The following KIF13A variants were observed in gnomAD, a reference collection of about 807,000 sequenced individuals.
KIF13A encodes the protein kinesin family member 13A.
In KIF13A, 79 loss-of-function variants were observed where a neutral mutation model predicts 212.2. The observed-to-expected ratio is 0.37, with a 90% CI of 0.31 to 0.45. KIF13A has a LOEUF of 0.45. Ranked by LOEUF, KIF13A falls within the 20% of genes least tolerant of loss-of-function variation. The probability of loss-of-function intolerance (pLI) is 1.00; values close to 1 mark genes in which losing one functional copy is unlikely to be tolerated. For missense variants in KIF13A, 1,901 were observed against 2,209.0 expected (o/e 0.86, Z 2.79); for synonymous variants, 789 against 808.6 (o/e 0.98, Z 0.41).
rs1307879428 is a variant in KIF13A at position 17,799,550 on chromosome 6, C to T, written c.2617-111G>A. ...TGAAACAAATTGGTCATCCATTTGA[C>T]ATGTGAAAATATTATATCTGACACC... is the stretch of plus-strand genomic sequence containing the variant. On this transcript the variant is annotated intron_variant, in intron 21 of 38. Coordinates refer to ENST00000259711, the MANE Select transcript of KIF13A (RefSeq NM_022113.6). This position sits in a 1 kb window ranked among gnomAD's most constrained non-coding sequence, Gnocchi z 4.4. 4 of 862,730 alleles carry T rather than the reference C, an allele frequency of 4.6e-6. No individual in the cohort carries two copies. The highest frequency in any genetic ancestry group is 1.7e-5 in the African/African-American group (1 of 58,672). The allele number at this position is 862,730 out of a possible 1,614,324, so 53.4% of individuals were successfully genotyped here. A position where few individuals can be genotyped will look rare whatever the true frequency, so the allele number is the denominator to read the frequency against.
chr6:17,880,812 G>A (rs149656574), intron 3 of KIF13A, among the ~76,000 whole-genome samples: 35 of 151,960 alleles, frequency 2.3e-4, no homozygotes, highest in African/African-American at 6.5e-4. Context: ...CAAAGATGGG[G>A]TCTTGCAACA....
intron 16 of KIF13A, among the ~76,000 whole-genome samples, chr6:17,822,745 T>A (rs1047215136): frequency 2.0e-5 from 3 of 152,224 alleles, no homozygotes; most frequent in Middle Eastern, 3.2e-3. Context: ...CCACTCAGGC[T>A]TCCAAAAGAT....
At chr6:17,804,631 TA>T in intron 19 of KIF13A, 121 bp from the exon 20 acceptor site, 1 of 993,052 alleles carries the variant, frequency 1.0e-6, no homozygotes. Context: ...AAACAGCAAG[TA>T]AAATTATAAT....
At chr6:17,960,077 T>C (rs1430734618) in intron 2 of KIF13A, among the ~76,000 whole-genome samples, 3 of 151,410 alleles carry the variant, frequency 2.0e-5, no homozygotes, top group South Asian at 2.1e-4. Flanking sequence ...CCAATTAACA[T>C]GTCCTCCCCA....
Position 17,892,470 on chromosome 6 carries a change from G to A in KIF13A, c.159+5698C>T, listed in dbSNP as rs1772154734. Reference sequence around the variant, plus strand: ...AGGTCCAACCCTGACATCAAGGCCTGCCACAGCTGGGTGATACATCACTGT... The same window carrying A: ...AGGTCCAACCCTGACATCAAGGCCTACCACAGCTGGGTGATACATCACTGT... On this transcript the variant is annotated intron_variant, in intron 3 of 38. Transcript: ENST00000259711. This position sits in a 1 kb window ranked among gnomAD's most constrained non-coding sequence, Gnocchi z 4.7. 6.6e-6 allele frequency among the ~76,000 whole-genome samples: 1 copy of A among 152,198 alleles called. No individual in the cohort carries two copies. Among genetic ancestry groups the A allele is most frequent in the African/African-American group, 2.4e-5 (1 of 41,440 alleles).
chr6:17,812,166 TTTG>T (rs1258913694), intron 17 of KIF13A: 1 of 152,140 alleles, frequency 6.6e-6, no homozygotes, highest in African/African-American at 2.4e-5. Flanking sequence ...ATCAGATACT[TTTG>T]TTTTTTAAAA....
At chr6:17,784,204 G>C (rs552055049) in intron 28 of KIF13A, among the ~76,000 whole-genome samples, 1 of 152,294 alleles carries the variant, frequency 6.6e-6, no homozygotes, top group African/African-American at 2.4e-5. Flanking sequence ...AAGATGGTTT[G>C]AGGACTGGAG....
chr6:17,903,861 C>T lies in KIF13A; in HGVS notation c.147-5681G>A, dbSNP rs556572529. Among the ~76,000 whole-genome samples, 9 of 152,192 alleles carry T rather than the reference C, an allele frequency of 5.9e-5. No homozygotes were observed. In the South Asian group the frequency reaches 1.0e-3, roughly 18 times the overall value. On this transcript the variant is annotated intron_variant, in intron 2 of 38. Transcript: ENST00000259711. ...GAACACTAGAAAACAGTACAGTTGC[C>T]AGGCGGCGTGGCTCATGCCTGTAAC...
At chr6:17,970,656 G>A (rs981636723) in intron 2 of KIF13A, among the ~76,000 whole-genome samples, 1 of 152,038 alleles carries the variant, frequency 6.6e-6, no homozygotes, top group Non-Finnish European at 1.5e-5. Flanking sequence ...CTGCGTCCTG[G>A]ATAGGCCTGG....
intron 25 of KIF13A, among the ~76,000 whole-genome samples, chr6:17,792,366 T>C (rs555370385): frequency 2.9e-4 from 44 of 152,268 alleles, no homozygotes; most frequent in African/African-American, 1.0e-3. Context: ...CAAAATTTTA[T>C]TGTGGACAGG....
chr6:17,984,165 T>G lies in KIF13A; in HGVS notation c.146+2889A>C, dbSNP rs1379157518. 6.6e-6 allele frequency among the ~76,000 whole-genome samples: 1 copy of G among 152,244 alleles called. No homozygotes were observed. Among genetic ancestry groups the G allele is most frequent in the Non-Finnish European group, 1.5e-5 (1 of 68,040 alleles). On this transcript the variant is annotated intron_variant, in intron 2 of 38. Coordinates refer to ENST00000259711, the MANE Select transcript of KIF13A (RefSeq NM_022113.6). The surrounding 1 kb of genome is among the most constrained non-coding windows in gnomAD (Gnocchi z 5.0). ...ACAGAGAATTTTGAAATTATGTGGT[T>G]CATGAAATGGCAAAAGTATACACCA...
intron 4 of KIF13A, among the ~76,000 whole-genome samples, chr6:17,868,462 C>T (rs687894): frequency 0.74 from 112,474 of 151,984 alleles, 41,957 homozygotes; most frequent in African/African-American, 0.82. Flanking sequence ...GATCTGTGTA[C>T]ATCTGCATGT....
chr6:17,883,366 T>TA lies in KIF13A; in HGVS notation c.160-9930dup, dbSNP rs897879538. On this transcript the variant is annotated intron_variant, in intron 3 of 38. Transcript: ENST00000259711. This position sits in a 1 kb window ranked among gnomAD's most constrained non-coding sequence, Gnocchi z 4.8. The stretch of plus-strand genomic sequence containing the variant: ...TCTCTAAAAAATAAAATAAAAATAA[T>TA]AAAAAAAAATAAGGCAACTTCCTGG... Among the ~76,000 whole-genome samples, 15 of 151,094 alleles carry TA rather than the reference T, an allele frequency of 9.9e-5. No homozygotes were observed. Among genetic ancestry groups the TA allele is most frequent in the African/African-American group, 2.7e-4 (11 of 41,204 alleles).
intron 6 of KIF13A, among the ~76,000 whole-genome samples, chr6:17,853,824 T>A (rs981371124): frequency 6.6e-6 from 1 of 152,164 alleles, no homozygotes; most frequent in Non-Finnish European, 1.5e-5. Flanking sequence ...CAATAGTAGT[T>A]ACCTTGGGGA....
chr6:17,966,079 A>T (rs140520160), intron 2 of KIF13A, among the ~76,000 whole-genome samples: 13 of 152,168 alleles, frequency 8.5e-5, no homozygotes, highest in Non-Finnish European at 1.6e-4. Flanking sequence ...CTATAATTCC[A>T]GCTAGTGAGG....
chr6:17,911,918 C>A (rs1440650745), intron 2 of KIF13A, among the ~76,000 whole-genome samples: 1 of 152,056 alleles, frequency 6.6e-6, no homozygotes, highest in Non-Finnish European at 1.5e-5. Flanking sequence ...GAATGCACCA[C>A]CATGCCCAGC....
intron 2 of KIF13A, among the ~76,000 whole-genome samples, chr6:17,974,320 T>C (rs1344191670): frequency 6.6e-6 from 1 of 152,150 alleles, no homozygotes; most frequent in African/African-American, 2.4e-5. Flanking sequence ...CCTCATGATC[T>C]GCCCACCTCG....
rs1290992723 is a variant in KIF13A at position 17,872,284 on chromosome 6, T to C, written c.220+1093A>G. On this transcript the variant is annotated intron_variant, in intron 4 of 38. Transcript: ENST00000259711. The surrounding 1 kb of genome is among the most constrained non-coding windows in gnomAD (Gnocchi z 4.7). The stretch of plus-strand genomic sequence containing the variant: ...TTTCTTTAAACTAGTCATGTGCTTT[T>C]ACCTCCAAATCTTTTAAGGCCAATA... Among the ~76,000 whole-genome samples, 1 of 152,242 alleles carries C rather than the reference T, an allele frequency of 6.6e-6. No individual in the cohort carries two copies. Among genetic ancestry groups the C allele is most frequent in the Non-Finnish European group, 1.5e-5 (1 of 68,042 alleles).
In KIF13A at chr6:17,942,462, T is replaced by C. The variant is rs190739388; in HGVS notation, c.147-44282A>G. Among the ~76,000 whole-genome samples, 561 of 152,196 alleles carry C rather than the reference T, an allele frequency of 3.7e-3. 3 individuals are homozygous for C. The highest frequency in any genetic ancestry group is 6.8e-3 in the Middle Eastern group (2 of 292). On this transcript the variant is annotated intron_variant, in intron 2 of 38. Transcript: ENST00000259711. ...TTGAATTAGCTGTATAATTTCCAAA[T>C]TTCACTCCCTCCCATCTGCAAAATG...
Sources: gnomAD v4.1 joint callset for allele counts (sites outside exome capture counted in the v4.1 genomes callset) on GRCh38, gnomAD v4.1.1 for gene constraint, Gnocchi (gnomAD v3.1) non-coding constraint, MANE v1.5 for transcripts, NCBI Gene and HGNC (gene_info 2026-07-23, HGNC 2026-07-21) for gene names.